The following FAF2 variants were observed in gnomAD, a reference collection of about 807,000 sequenced individuals.
The protein encoded by FAF2 is Fas associated factor family member 2.
In FAF2, 9 loss-of-function variants were observed where a neutral mutation model predicts 62.3. The ratio of observed to expected loss-of-function variants is 0.14; its 90% CI spans 0.09 to 0.25. The LOEUF is 0.25. Ranked by LOEUF, FAF2 falls within the 10% of genes least tolerant of loss-of-function variation. The pLI is 1.00. For synonymous variants in FAF2, 202 were observed against 198.0 expected (o/e 1.02, Z -0.17); for missense variants, 368 against 556.2 (o/e 0.66, Z 3.40).
At chr5:176,476,183 C>T (rs918730190) in intron 1 of FAF2, among the ~76,000 whole-genome samples, 15 of 151,904 alleles carry the variant, frequency 9.9e-5, no homozygotes, top group African/African-American at 2.9e-4. Context: ...CATTTGAGAG[C>T]GGGAGACAGA....
chr5:176,461,036 A>G (rs1758369755), intron 1 of FAF2, among the ~76,000 whole-genome samples: 1 of 150,362 alleles, frequency 6.7e-6, no homozygotes, highest in South Asian at 2.1e-4. Context: ...TTTTTCAGAC[A>G]ATGTTTTACT....
intron 1 of FAF2, among the ~76,000 whole-genome samples, chr5:176,470,736 A>G (rs998375466): frequency 6.6e-6 from 1 of 152,252 alleles, no homozygotes; most frequent in Non-Finnish European, 1.5e-5. Flanking sequence ...TGAGTTCAGC[A>G]CACTAGCTTA....
chr5:176,453,577 C>A (rs1453162887), intron 1 of FAF2: 1 of 151,952 alleles, frequency 6.6e-6, no homozygotes, highest in Non-Finnish European at 1.5e-5. Context: ...GCTTTTTGTT[C>A]ATGTATTTAA....
intron 1 of FAF2, among the ~76,000 whole-genome samples, chr5:176,477,378 T>C (rs1362692176): frequency 6.6e-6 from 1 of 151,598 alleles, no homozygotes; most frequent in Non-Finnish European, 1.5e-5. Context: ...TGAGCCACCA[T>C]GCCTGGCCTA....
In FAF2 at chr5:176,492,231, C is replaced by T. The variant is rs780495626; in HGVS notation, c.382C>T (p.Arg128Trp). ...LRFIRPDPRS[R>W]VTDPVGDIVS... ...TTTTATACGGCCTGACCCTCGCAGC[C>T]GGGTCACTGACCCCGTTGGGGACAT... Residue 128 changes from arginine to tryptophan, a missense_variant, in exon 5 of 11, where the codon CGG becomes TGG. Physicochemically the swap from Arg to Trp is moderately radical, Grantham distance 101. This residue lies in a region of FAF2 where 331 missense variants were observed against 441.9 expected (regional missense o/e 0.75). Coordinates refer to ENST00000261942, the MANE Select transcript of FAF2 (RefSeq NM_014613.3). 40 of 1,614,000 alleles carry T rather than the reference C, an allele frequency of 2.5e-5. No homozygotes were observed. The highest frequency in any genetic ancestry group is 2.2e-4 in the East Asian group (10 of 44,904).
intron 3 of FAF2, among the ~76,000 whole-genome samples, chr5:176,488,177 C>T (rs1478802680): frequency 6.6e-6 from 1 of 152,046 alleles, no homozygotes; most frequent in African/African-American, 2.4e-5. Context: ...AGGGTTTTAC[C>T]ATGTTGACCA....
At chr5:176,468,936 T>C (rs1758516089) in intron 1 of FAF2, among the ~76,000 whole-genome samples, 1 of 151,884 alleles carries the variant, frequency 6.6e-6, no homozygotes, top group Admixed American at 6.6e-5. Flanking sequence ...AGAGAGACCC[T>C]GTCTGTAAAA....
chr5:176,476,696 G>C (rs552839409), intron 1 of FAF2, among the ~76,000 whole-genome samples: 1 of 129,664 alleles, frequency 7.7e-6, no homozygotes, highest in Admixed American at 8.9e-5. Context: ...GCATTGGCAT[G>C]ATCTCGGCTC....
At chr5:176,503,663 G>A (rs1405017416) in intron 10 of FAF2, among the ~76,000 whole-genome samples, 1 of 152,072 alleles carries the variant, frequency 6.6e-6, no homozygotes, top group Admixed American at 6.6e-5. Context: ...CTGGAAAGTG[G>A]TGCAATGCTA....
rs1425540874 is a variant in FAF2, at chr5:176,467,154, G to C, written c.64-12034G>C. ...CTTTTTTTTTTTTTTTTTTTTTTTT[G>C]GTCACTTGTCTGTCCCAGACCAGTG... is the stretch of plus-strand genomic sequence containing the variant. On this transcript the variant is annotated intron_variant, in intron 1 of 10. Transcript: ENST00000261942. Among the ~76,000 whole-genome samples, 3 of 55,268 alleles carry C rather than the reference G, an allele frequency of 5.4e-5. No homozygotes were observed. The South Asian group carries it at 1.7e-3, about 30-fold the overall frequency. The allele number at this position is 55,268 out of a possible 152,430, so 36.3% of individuals were successfully genotyped here. A position where few individuals can be genotyped will look rare whatever the true frequency, so the allele number is the denominator to read the frequency against.
chr5:176,466,870 C>T (rs934187093), intron 1 of FAF2, among the ~76,000 whole-genome samples: 2 of 148,260 alleles, frequency 1.3e-5, no homozygotes, highest in Non-Finnish European at 2.9e-5. Context: ...GTGCATTTTA[C>T]TAGAGATTGA....
At chr5:176,504,810 C>A (rs1755649160) in intron 10 of FAF2, among the ~76,000 whole-genome samples, 1 of 151,996 alleles carries the variant, frequency 6.6e-6, no homozygotes, top group Admixed American at 6.6e-5. Flanking sequence ...TGGATTATAG[C>A]CCTTTAAAAA....
chr5:176,453,156 T>C (rs1758217420), intron 1 of FAF2: 1 of 152,220 alleles, frequency 6.6e-6, no homozygotes, highest in South Asian at 2.1e-4. Flanking sequence ...TGAATAACTA[T>C]TGCAGACAAT....
At chr5:176,452,053 C>T (rs1424133923) in intron 1 of FAF2, among the ~76,000 whole-genome samples, 2 of 148,634 alleles carry the variant, frequency 1.3e-5, no homozygotes, top group African/African-American at 4.9e-5. Flanking sequence ...AAGTGCCTGG[C>T]TAATTTTTGT....
chr5:176,451,898 T>A lies in FAF2; in HGVS notation c.63+3428T>A, dbSNP rs1366153941. 8.7e-3 allele frequency among the ~76,000 whole-genome samples: 209 copies of A among 24,126 alleles called. 7 individuals carry two copies. Among genetic ancestry groups the A allele is most frequent in the Middle Eastern group, 0.015 (1 of 68 alleles). 15.8% of individuals were successfully genotyped at this position (24,126 alleles called of 152,430 possible). A position where few individuals can be genotyped will look rare whatever the true frequency, so the allele number is the denominator to read the frequency against. On this transcript the variant is annotated intron_variant, in intron 1 of 10. Coordinates refer to ENST00000261942, the MANE Select transcript of FAF2 (RefSeq NM_014613.3). ...CACATATATATATATATATATTTTTTTTTTTTTTTTTTTTTTTTTTTTTGA... is the reference window on the plus strand; with the variant it reads ...CACATATATATATATATATATTTTTATTTTTTTTTTTTTTTTTTTTTTTGA...
rs1158649246 is a variant in FAF2 at position 176,492,219 on chromosome 5, G to T, written c.370G>T (p.Asp124Tyr). The T allele has an allele frequency of 1.1e-5, 18 of 1,613,992 alleles. No individual in the cohort carries two copies. Among genetic ancestry groups the T allele is most frequent in the Non-Finnish European group, 1.4e-5 (17 of 1,180,014 alleles). The change falls in exon 5 of 11, where the codon GAC becomes TAC. Residue 124 changes from aspartate (D) to tyrosine (Y), a missense_variant. This residue lies in a region of FAF2 where 331 missense variants were observed against 441.9 expected (regional missense o/e 0.75). Transcript: ENST00000261942. ...GTTTGCTCTTCGTTTTATACGGCCT[G>T]ACCCTCGCAGCCGGGTCACTGACCC... is the stretch of plus-strand genomic sequence containing the variant. Reference protein sequence around the residue: ...FRFALRFIRPDPRSRVTDPVG... With the variant: ...FRFALRFIRPYPRSRVTDPVG...
At chr5:176,458,906 T>A (rs1385913525) in intron 1 of FAF2, among the ~76,000 whole-genome samples, 1 of 152,174 alleles carries the variant, frequency 6.6e-6, no homozygotes, top group Admixed American at 6.6e-5. Context: ...CTGAAATTTC[T>A]CCTTCCACTA....
chr5:176,493,127 A>G (rs922471231), intron 5 of FAF2, among the ~76,000 whole-genome samples: 8 of 152,232 alleles, frequency 5.3e-5, no homozygotes, highest in Admixed American at 6.5e-5. Context: ...GGCAATAGGC[A>G]AAAGGGGGTT....
chr5:176,482,649 C>G (rs74533299), intron 2 of FAF2, among the ~76,000 whole-genome samples: 1 of 152,178 alleles, frequency 6.6e-6, no homozygotes, highest in Non-Finnish European at 1.5e-5. Flanking sequence ...GCTAGGACTA[C>G]AAGCACACAC....
Sources: gnomAD v4.1 joint callset for allele counts (sites outside exome capture counted in the v4.1 genomes callset) on GRCh38, gnomAD v4.1.1 for gene constraint, gnomAD v4.1.1 regional missense constraint, MANE v1.5 for transcripts, NCBI Gene and HGNC (gene_info 2026-07-23, HGNC 2026-07-21) for gene names.